The following SMAD6 variants were observed in gnomAD, a reference collection of about 807,000 sequenced individuals.
SMAD6 encodes MAD homolog 6.
In SMAD6, 103 loss-of-function variants were observed where a neutral mutation model predicts 39.4. The observed-to-expected ratio is 2.62, with a 90% CI of 2.23 to 3.08. The LOEUF is 3.08. Ranked by LOEUF, SMAD6 falls within the 30% of genes most tolerant of loss-of-function variation. The probability of loss-of-function intolerance (pLI) is 0.00; values close to 1 mark genes in which losing one functional copy is unlikely to be tolerated. For missense variants in SMAD6, 1,104 were observed against 742.9 expected (o/e 1.49, Z -5.65); for synonymous variants, 445 against 353.3 (o/e 1.26, Z -2.91).
Position 66,730,111 on chromosome 15 carries a change from G to A in SMAD6, c.952+13613G>A, listed in dbSNP as rs1035461956. Among the ~76,000 whole-genome samples, 77 of 152,212 alleles carry A rather than the reference G, an allele frequency of 5.1e-4. 2 individuals are homozygous for A. The highest frequency in any genetic ancestry group is 7.3e-5 in the Non-Finnish European group (5 of 68,032). ...TGTGGGTGCCCCGCTGATGCATGGTGTGCGGATTCTCTGTTTTCACTCCTG... is the reference window on the plus strand; with the variant it reads ...TGTGGGTGCCCCGCTGATGCATGGTATGCGGATTCTCTGTTTTCACTCCTG... On this transcript the variant is annotated intron_variant, in intron 3 of 3. Coordinates refer to ENST00000288840, the MANE Select transcript of SMAD6 (RefSeq NM_005585.5).
chr15:66,737,481 G>A (rs1241915870), intron 3 of SMAD6, among the ~76,000 whole-genome samples: 1 of 152,128 alleles, frequency 6.6e-6, no homozygotes, highest in Non-Finnish European at 1.5e-5. Flanking sequence ...ACCTCCGACG[G>A]TAGTGCCTGG....
At position 66,781,254 on chromosome 15, in the gene SMAD6, A is replaced by T; in HGVS notation, c.1210A>T (p.Asn404Tyr). Residue 404 changes from asparagine to tyrosine, a missense_variant, in exon 4 of 4, where the codon AAC (asparagine) becomes TAC (tyrosine). By Grantham distance (143) the Asn-to-Tyr change is moderately radical. Transcript: ENST00000288840. ...SKEPDGVWAY[N>Y]RGEHPIFVNS... ...GGAGCCCGACGGCGTGTGGGCCTACAACCGCGGCGAGCACCCCATCTTCGT... is the reference window on the plus strand; with the variant it reads ...GGAGCCCGACGGCGTGTGGGCCTACTACCGCGGCGAGCACCCCATCTTCGT... 6.2e-7 allele frequency: 1 copy of T among 1,608,162 alleles called. No homozygotes were observed. The highest frequency in any genetic ancestry group is 8.5e-7 in the Non-Finnish European group (1 of 1,179,248).
rs1419780643 is a variant in SMAD6 at position 66,703,861 on chromosome 15, G to GCCGGGCGGCTGCGT, written c.604_617dup (p.Leu207ArgfsTer40). The GCCGGGCGGCTGCGT allele has an allele frequency of 7.4e-7, 1 of 1,346,458 alleles. No individual in the cohort carries two copies. 83.4% of individuals were successfully genotyped at this position (1,346,458 alleles called of 1,614,324 possible). A position where few individuals can be genotyped will look rare whatever the true frequency, so the allele number is the denominator to read the frequency against. On this transcript the variant is annotated frameshift_variant, in exon 1 of 4. Coordinates refer to ENST00000288840, the MANE Select transcript of SMAD6 (RefSeq NM_005585.5). LOFTEE classifies it high-confidence loss of function. ...AGGCGGTGGAGTCCCGCGGCGGCGT[G>GCCGGGCGGCTGCGT]CCGGGCGGCTGCGTGCTGGTGCCGC...
chr15:66,780,430 C>A (rs932046585), intron 3 of SMAD6, among the ~76,000 whole-genome samples: 2 of 152,306 alleles, frequency 1.3e-5, no homozygotes, highest in East Asian at 1.9e-4. Context: ...CCCCGCCATC[C>A]CCCAATAGCC....
chr15:66,769,203 C>T (rs540492379), intron 3 of SMAD6, among the ~76,000 whole-genome samples: 8 of 152,142 alleles, frequency 5.3e-5, no homozygotes, highest in Middle Eastern at 3.2e-3. Context: ...GGGCCGACTC[C>T]GCGGGTGTTG....
chr15:66,772,110 T>C (rs1796650907), intron 3 of SMAD6, among the ~76,000 whole-genome samples: 1 of 152,192 alleles, frequency 6.6e-6, no homozygotes, highest in African/African-American at 2.4e-5. Context: ...GTGGCTAGCT[T>C]CTTATAGCAT....
intron 3 of SMAD6, among the ~76,000 whole-genome samples, chr15:66,756,479 T>C (rs1387774411): frequency 6.6e-6 from 1 of 152,258 alleles, no homozygotes; most frequent in Non-Finnish European, 1.5e-5. Context: ...ATATGTGAAC[T>C]GTACCGTTTC....
At chr15:66,718,666 C>T (rs533731803) in intron 3 of SMAD6, among the ~76,000 whole-genome samples, 2 of 152,234 alleles carry the variant, frequency 1.3e-5, no homozygotes, top group South Asian at 2.1e-4. Flanking sequence ...CCGCTGAGGG[C>T]CCACTGTTAG....
intron 3 of SMAD6, chr15:66,717,140 G>A (rs1893345351): frequency 7.8e-7 from 1 of 1,287,808 alleles, no homozygotes; most frequent in African/African-American, 1.5e-5. Context: ...AGAAATGAGA[G>A]GTTGGTGTTG....
At chr15:66,727,234 C>A (rs1893538416) in intron 3 of SMAD6, among the ~76,000 whole-genome samples, 1 of 152,040 alleles carries the variant, frequency 6.6e-6, no homozygotes, top group Non-Finnish European at 1.5e-5. Flanking sequence ...TCCCGAGTAG[C>A]TGGGACTACA....
chr15:66,746,423 T>C (rs1295210868), intron 3 of SMAD6, among the ~76,000 whole-genome samples: 2 of 151,670 alleles, frequency 1.3e-5, no homozygotes, highest in Non-Finnish European at 2.9e-5. Context: ...AGCTCTTTGT[T>C]CCACATCCTC....
chr15:66,751,740 G>A (rs532974625), intron 3 of SMAD6, among the ~76,000 whole-genome samples: 2 of 152,380 alleles, frequency 1.3e-5, no homozygotes, highest in African/African-American at 4.8e-5. Flanking sequence ...GGATGTCTGA[G>A]TTGTCCATTC....
intron 1 of SMAD6, chr15:66,707,383 G>T (rs1255365406): frequency 6.6e-6 from 1 of 152,166 alleles, no homozygotes; most frequent in East Asian, 1.9e-4. Context: ...ACTGGAGGAG[G>T]CCGCCTAGGA....
At chr15:66,752,217 C>T (rs745404200) in intron 3 of SMAD6, among the ~76,000 whole-genome samples, 14 of 152,106 alleles carry the variant, frequency 9.2e-5, no homozygotes, top group Non-Finnish European at 1.5e-4. Flanking sequence ...TAGGTCAGGA[C>T]GGCTGAGGCC....
At position 66,703,251 on chromosome 15, in the gene SMAD6, G is replaced by T. The variant is rs572763955; in HGVS notation, c.-8G>T. On this transcript the variant is annotated 5_prime_UTR_variant, in exon 1 of 4. Coordinates refer to ENST00000288840, the MANE Select transcript of SMAD6 (RefSeq NM_005585.5). ...CTCCCCCCCACCCCTGGCGCCAAAG[G>T]ATATCGTATGTTCAGGTCCAAACGC... 8 of 1,430,338 alleles carry T rather than the reference G, an allele frequency of 5.6e-6. No individual in the cohort carries two copies. Among genetic ancestry groups the T allele is most frequent in the East Asian group, 6.0e-5 (2 of 33,454 alleles). 88.6% of individuals were successfully genotyped at this position (1,430,338 alleles called of 1,614,324 possible). A position where few individuals can be genotyped will look rare whatever the true frequency, so the allele number is the denominator to read the frequency against.
chr15:66,716,797 G>A (rs1037990292), intron 3 of SMAD6, among the ~76,000 whole-genome samples: 4 of 152,184 alleles, frequency 2.6e-5, no homozygotes, highest in Admixed American at 6.5e-5. Flanking sequence ...TCTCCCTTTC[G>A]TGTTTAGAAA....
chr15:66,709,410 A>C lies in SMAD6; in HGVS notation c.818-2258A>C, dbSNP rs375597025. The stretch of plus-strand genomic sequence containing the variant: ...AGGTGTCACAACTCAAGGCCCAGGT[A>C]GCTCTTCCAGGTGGGACTTCATGAG... On this transcript the variant is annotated intron_variant, in intron 1 of 3. Coordinates refer to ENST00000288840, the MANE Select transcript of SMAD6 (RefSeq NM_005585.5). 4.3e-4 allele frequency among the ~76,000 whole-genome samples: 65 copies of C among 152,336 alleles called. 1 individual carries two copies. Among genetic ancestry groups the C allele is most frequent in the African/African-American group, 1.5e-3 (63 of 41,574 alleles).
intron 2 of SMAD6, among the ~76,000 whole-genome samples, chr15:66,712,543 G>A (rs1031977953): frequency 2.6e-5 from 4 of 152,082 alleles, no homozygotes; most frequent in Non-Finnish European, 4.4e-5. Flanking sequence ...GCCGGGTGTT[G>A]TGGTACACAT....
At chr15:66,722,371 G>A (rs1310416635) in intron 3 of SMAD6, among the ~76,000 whole-genome samples, 1 of 152,220 alleles carries the variant, frequency 6.6e-6, no homozygotes, top group South Asian at 2.1e-4. Flanking sequence ...GTTTTGGAGA[G>A]CAGGAAGGGC....
Sources: gnomAD v4.1 joint callset for allele counts (sites outside exome capture counted in the v4.1 genomes callset) on GRCh38, gnomAD v4.1.1 for gene constraint, MANE v1.5 for transcripts, NCBI Gene and HGNC (gene_info 2026-07-23, HGNC 2026-07-21) for gene names.